CNTNAP2: variants seen among roughly 807,000 people sequenced by gnomAD.
CNTNAP2 encodes contactin-associated protein-like 2.
Under a neutral mutation model 155.2 loss-of-function variants are expected in CNTNAP2, and 98 were observed. The ratio of observed to expected loss-of-function variants is 0.63; its 90% CI spans 0.54 to 0.75. CNTNAP2 has a LOEUF of 0.75. Among genes scored for constraint, CNTNAP2 ranks in the 30% least tolerant of loss-of-function variants. CNTNAP2 has a pLI of 0.00. For synonymous variants in CNTNAP2, 651 were observed against 631.2 expected, an observed-to-expected ratio of 1.03 and a Z score of -0.47; for missense variants, 1,727 against 1,688.1, an observed-to-expected ratio of 1.02 and a Z score of -0.40.
At chr7:147,379,288 A>G (rs1263632630) in intron 9 of CNTNAP2, among the ~76,000 whole-genome samples, 1 of 152,076 alleles carries the variant, frequency 6.6e-6, no homozygotes, top group East Asian at 1.9e-4. Flanking sequence ...CAAATAATTT[A>G]TGAATGTTTT....
intron 15 of CNTNAP2, among the ~76,000 whole-genome samples, chr7:148,003,415 A>C (rs1480414549): frequency 1.3e-5 from 2 of 152,180 alleles, no homozygotes; most frequent in Non-Finnish European, 2.9e-5. Flanking sequence ...GAGGAAAAAA[A>C]ATTTGCTAAA....
At chr7:148,325,587 A>G (rs999561841) in intron 21 of CNTNAP2, among the ~76,000 whole-genome samples, 14 of 152,242 alleles carry the variant, frequency 9.2e-5, no homozygotes, top group African/African-American at 2.9e-4. Flanking sequence ...CAAAGGCACT[A>G]TCTGCCATAT....
intron 8 of CNTNAP2, among the ~76,000 whole-genome samples, chr7:147,293,682 C>T (rs1805359889): frequency 6.6e-6 from 1 of 152,056 alleles, no homozygotes; most frequent in African/African-American, 2.4e-5. Context: ...TTTCAACATT[C>T]ATTAAACCAG....
chr7:148,388,919 A>G (rs2465891), intron 22 of CNTNAP2, among the ~76,000 whole-genome samples: 151,062 of 152,246 alleles, frequency 0.99, 74,953 homozygotes, highest in Non-Finnish European at 1. Flanking sequence ...GTACCCGGCC[A>G]TGTGAAGTGT....
At chr7:146,133,465 G>A (rs1205996088) in intron 1 of CNTNAP2, among the ~76,000 whole-genome samples, 4 of 152,248 alleles carry the variant, frequency 2.6e-5, no homozygotes, top group African/African-American at 9.6e-5. Flanking sequence ...TGCTTTTGGT[G>A]TTTTAGACAT....
intron 12 of CNTNAP2, among the ~76,000 whole-genome samples, chr7:147,587,388 A>G (rs1483382364): frequency 2.6e-5 from 4 of 152,226 alleles, no homozygotes; most frequent in Non-Finnish European, 4.4e-5. Flanking sequence ...TGCAAACCTC[A>G]TAAGCCAGAC....
intron 1 of CNTNAP2, among the ~76,000 whole-genome samples, chr7:146,185,140 C>T (rs1277562062): frequency 6.6e-6 from 1 of 152,012 alleles, no homozygotes; most frequent in African/African-American, 2.4e-5. Context: ...TAGACTATAG[C>T]TTAAATCTAG....
intron 1 of CNTNAP2, among the ~76,000 whole-genome samples, chr7:146,390,637 A>G (rs1183543294): frequency 6.7e-6 from 1 of 149,462 alleles, no homozygotes; most frequent in South Asian, 2.1e-4. Context: ...AAATAAAAAT[A>G]TATATATTTT....
At chr7:147,153,971 A>G (rs2116437696) in intron 8 of CNTNAP2, among the ~76,000 whole-genome samples, 1 of 152,242 alleles carries the variant, frequency 6.6e-6, no homozygotes, top group South Asian at 2.1e-4. Flanking sequence ...TGGACTGGAT[A>G]TACTGTCTAG....
At chr7:148,280,834 G>A (rs754930769) in intron 21 of CNTNAP2, among the ~76,000 whole-genome samples, 7 of 151,834 alleles carry the variant, frequency 4.6e-5, no homozygotes, top group South Asian at 2.1e-4. Context: ...CAGGAGAATC[G>A]CTTGAACCTA....
intron 1 of CNTNAP2, among the ~76,000 whole-genome samples, chr7:146,520,056 G>T (rs180802727): frequency 6.6e-6 from 1 of 151,234 alleles, no homozygotes; most frequent in Non-Finnish European, 1.5e-5. Flanking sequence ...AAATGAATAC[G>T]AACCCACTTT....
At chr7:147,764,518 G>T (rs1362911215) in intron 13 of CNTNAP2, among the ~76,000 whole-genome samples, 1 of 152,096 alleles carries the variant, frequency 6.6e-6, no homozygotes, top group Non-Finnish European at 1.5e-5. Context: ...ATTTCCTAGT[G>T]GAAGGCAAAG....
At position 148,417,605 on chromosome 7, in the gene CNTNAP2, T is replaced by C. The variant is rs1037680398; in HGVS notation, c.*1989T>C. 7 of 152,408 alleles carry C rather than the reference T, an allele frequency of 4.6e-5. No homozygotes were observed. Among genetic ancestry groups the C allele is most frequent in the South Asian group, 2.1e-4 (1 of 4,830 alleles). 9.4% of individuals were successfully genotyped at this position (152,408 alleles called of 1,614,324 possible). Reference sequence around the variant, plus strand: ...GACATATTGAAAGCAAAGGCTGTTTTATTTAGCCAAGATGATTACCATTAG... The same window carrying C: ...GACATATTGAAAGCAAAGGCTGTTTCATTTAGCCAAGATGATTACCATTAG... On this transcript the variant is annotated 3_prime_UTR_variant, in exon 24 of 24. Coordinates refer to ENST00000361727, the MANE Select transcript of CNTNAP2 (RefSeq NM_014141.6).
intron 1 of CNTNAP2, among the ~76,000 whole-genome samples, chr7:146,313,726 C>T (rs963106823): frequency 3.9e-5 from 6 of 152,052 alleles, no homozygotes; most frequent in Middle Eastern, 3.2e-3. Flanking sequence ...GGGCCTGGCA[C>T]GGTGGCTCAC....
At chr7:147,552,118 GATC>G (rs773683187) in intron 11 of CNTNAP2, among the ~76,000 whole-genome samples, 15 of 152,106 alleles carry the variant, frequency 9.9e-5, no homozygotes, top group Non-Finnish European at 5.9e-5. Flanking sequence ...TCTGATTCTT[GATC>G]TAAAAGTCTT....
intron 10 of CNTNAP2, among the ~76,000 whole-genome samples, chr7:147,398,691 G>A (rs1796863657): frequency 7.3e-6 from 1 of 136,716 alleles, no homozygotes. Flanking sequence ...GAAAAAGCAA[G>A]CTTGCCAAGC....
At chr7:148,309,704 C>T (rs976166397) in intron 21 of CNTNAP2, among the ~76,000 whole-genome samples, 14 of 151,968 alleles carry the variant, frequency 9.2e-5, no homozygotes, top group Non-Finnish European at 1.9e-4. Context: ...AAGGCATGAA[C>T]AGGCCATTTT....
intron 13 of CNTNAP2, among the ~76,000 whole-genome samples, chr7:147,768,384 C>G (rs1327322021): frequency 1.3e-5 from 2 of 151,998 alleles, no homozygotes; most frequent in African/African-American, 4.8e-5. Flanking sequence ...TGAGGCCAAA[C>G]TTTTTAATAG....
chr7:147,027,018 C>CAAAAAAAAAAAAAAAAAAA (rs1297907328), intron 3 of CNTNAP2, among the ~76,000 whole-genome samples: 4 of 101,428 alleles, frequency 3.9e-5, no homozygotes, highest in African/African-American at 1.9e-4. Flanking sequence ...AAAAAAAAAA[C>CAAAAAAAAAAAAAAAAAAA]AAAAAAAAGA....
Sources: allele counts gnomAD v4.1 joint callset (sites outside exome capture counted in the v4.1 genomes callset), GRCh38; gene constraint gnomAD v4.1.1; transcripts MANE v1.5; gene names NCBI Gene and HGNC (gene_info 2026-07-23, HGNC 2026-07-21).